CPA6: variants seen among roughly 807,000 people sequenced by gnomAD.
The protein encoded by CPA6 is carboxypeptidase A6, also known as carboxypeptidase B.
Under a neutral mutation model 63.3 loss-of-function variants are expected in CPA6, and 58 were observed. That is an observed-to-expected ratio of 0.92 (90% CI 0.74 to 1.14). The LOEUF (loss-of-function observed/expected upper bound fraction) is 1.14, where lower values mean the gene tolerates loss of function less well. Ranked by LOEUF, CPA6 falls within the 50% of genes most tolerant of loss-of-function variation. The pLI, the probability that CPA6 is intolerant of heterozygous loss-of-function variation, is 0.00. For synonymous variants in CPA6, 185 were observed against 179.0 expected, an observed-to-expected ratio of 1.03 and a Z score of -0.27; for missense variants, 565 against 526.6, an observed-to-expected ratio of 1.07 and a Z score of -0.71.
chr8:67,732,007 G>A (rs1181291801), intron 1 of CPA6, among the ~76,000 whole-genome samples: 1 of 152,078 alleles, frequency 6.6e-6, no homozygotes, highest in South Asian at 2.1e-4. Flanking sequence ...GCTAATAAAA[G>A]TGTTGACCAG....
intron 1 of CPA6, among the ~76,000 whole-genome samples, chr8:67,709,719 T>A (rs1817214319): frequency 6.6e-6 from 1 of 152,132 alleles, no homozygotes; most frequent in East Asian, 1.9e-4. Flanking sequence ...CAAGTAAAAA[T>A]CATAAATCCA....
intron 2 of CPA6, among the ~76,000 whole-genome samples, chr8:67,560,237 A>C (rs1053680699): frequency 1.3e-5 from 2 of 151,090 alleles, no homozygotes; most frequent in Non-Finnish European, 3.0e-5. Context: ...AAATGGAGGA[A>C]TACTCTAATT....
At chr8:67,454,580 G>T (rs1305233113) in intron 8 of CPA6, among the ~76,000 whole-genome samples, 1 of 152,180 alleles carries the variant, frequency 6.6e-6, no homozygotes, top group African/African-American at 2.4e-5. Context: ...AGGAGTATAA[G>T]AATGTAAAAG....
chr8:67,536,574 T>C (rs1251857921), intron 2 of CPA6, among the ~76,000 whole-genome samples: 2 of 152,232 alleles, frequency 1.3e-5, no homozygotes, highest in East Asian at 3.9e-4. Context: ...CGAAGTTGCT[T>C]ATCAGCTTAA....
chr8:67,514,758 G>A (rs1183429719), intron 3 of CPA6, among the ~76,000 whole-genome samples: 1 of 152,154 alleles, frequency 6.6e-6, no homozygotes, highest in East Asian at 1.9e-4. Flanking sequence ...AGTAATTAAT[G>A]AAGCATGTGA....
chr8:67,669,293 C>T (rs137989626), intron 1 of CPA6, among the ~76,000 whole-genome samples: 44 of 152,270 alleles, frequency 2.9e-4, no homozygotes, highest in African/African-American at 5.3e-4. Flanking sequence ...CTTGTTCTTA[C>T]GTGTGGCAAT....
intron 1 of CPA6, among the ~76,000 whole-genome samples, chr8:67,633,605 A>C (rs200244325): frequency 1.0e-4 from 15 of 148,604 alleles, no homozygotes; most frequent in Non-Finnish European, 1.8e-4. Flanking sequence ...GGCGTGAACC[A>C]GGGAGGCGGA....
rs774699643 is a variant in CPA6 at position 67,509,632 on chromosome 8, A to C, written c.433-14T>G. On this transcript the variant is annotated splice_polypyrimidine_tract_variant and intron_variant, in intron 4 of 10. Coordinates refer to ENST00000297770, the MANE Select transcript of CPA6 (RefSeq NM_020361.5). ...CCAATTTTGAATCTAAGAGCAAATA[A>C]ATAAAAACTATGTTAGACTCTCTCA... 1.5e-6 allele frequency: 2 copies of C among 1,348,538 alleles called. No homozygotes were observed. The highest frequency in any genetic ancestry group is 2.1e-6 in the Non-Finnish European group (2 of 950,372). The allele number at this position is 1,348,538 out of a possible 1,614,324, so 83.5% of individuals were successfully genotyped here.
chr8:67,535,348 C>T (rs1191801853), intron 2 of CPA6, among the ~76,000 whole-genome samples: 1 of 152,198 alleles, frequency 6.6e-6, no homozygotes, highest in Non-Finnish European at 1.5e-5. Context: ...TCCCATTTCT[C>T]CACATCCTCT....
At chr8:67,627,610 T>C (rs539041103) in intron 1 of CPA6, among the ~76,000 whole-genome samples, 107 of 152,302 alleles carry the variant, frequency 7.0e-4, no homozygotes, top group African/African-American at 2.5e-3. Flanking sequence ...ACTTAGCCTA[T>C]ATAAAGGTGT....
intron 2 of CPA6, among the ~76,000 whole-genome samples, chr8:67,593,980 T>C (rs1238351429): frequency 6.7e-6 from 1 of 150,168 alleles, no homozygotes; most frequent in Non-Finnish European, 1.5e-5. Flanking sequence ...TCCTAGTCTC[T>C]ATGGTCTTTA....
chr8:67,561,481 G>A (rs559000431), intron 2 of CPA6, among the ~76,000 whole-genome samples: 39 of 152,230 alleles, frequency 2.6e-4, no homozygotes, highest in African/African-American at 8.2e-4. Context: ...TTCTAGTCAC[G>A]AGGAAACGTC....
intron 8 of CPA6, among the ~76,000 whole-genome samples, chr8:67,444,507 A>G (rs1213788173): frequency 6.6e-6 from 1 of 151,742 alleles, no homozygotes; most frequent in East Asian, 2.0e-4. Flanking sequence ...AAATCGGCTG[A>G]GTGCAGTGGC....
intron 8 of CPA6, among the ~76,000 whole-genome samples, chr8:67,480,368 C>G (rs1811332512): frequency 6.6e-6 from 1 of 152,102 alleles, no homozygotes; most frequent in Admixed American, 6.5e-5. Context: ...CTCCTCAGCC[C>G]CTGGCAACCA....
chr8:67,733,951 T>A (rs1817764705), intron 1 of CPA6, among the ~76,000 whole-genome samples: 1 of 148,408 alleles, frequency 6.7e-6, no homozygotes, highest in African/African-American at 2.5e-5. Context: ...CATGGCTCAC[T>A]GCAGCTTCAT....
chr8:67,607,177 CT>C lies in CPA6; in HGVS notation c.192+16998del, dbSNP rs1564021238. The stretch of plus-strand genomic sequence containing the variant: ...TCCTCTTCTTCTTCTTCCTCTTCTT[CT>C]TCTTCTTCTTCTTCTTCTTCTTCTT... On this transcript the variant is annotated intron_variant, in intron 2 of 10. Coordinates refer to ENST00000297770, the MANE Select transcript of CPA6 (RefSeq NM_020361.5). 5.8e-3 allele frequency among the ~76,000 whole-genome samples: 74 copies of C among 12,794 alleles called. 10 individuals are homozygous for C. Among genetic ancestry groups the C allele is most frequent in the African/African-American group, 9.7e-3 (25 of 2,572 alleles). 8.4% of individuals were successfully genotyped at this position (12,794 alleles called of 152,430 possible).
At chr8:67,621,503 G>C (rs1307817795) in intron 2 of CPA6, among the ~76,000 whole-genome samples, 5 of 152,162 alleles carry the variant, frequency 3.3e-5, no homozygotes, top group Admixed American at 2.6e-4. Context: ...CCTCATTTGG[G>C]TCCTAGAGGG....
At chr8:67,604,101 T>C (rs755252671) in intron 2 of CPA6, among the ~76,000 whole-genome samples, 1 of 152,218 alleles carries the variant, frequency 6.6e-6, no homozygotes, top group Non-Finnish European at 1.5e-5. Flanking sequence ...AAAATAGAGC[T>C]ACAACTTATT....
At chr8:67,745,483 G>T (rs546118475) in intron 1 of CPA6, among the ~76,000 whole-genome samples, 6 of 152,150 alleles carry the variant, frequency 3.9e-5, no homozygotes, top group African/African-American at 1.4e-4. Context: ...TAATTTTACA[G>T]TTGACTACTT....
Sources: allele counts gnomAD v4.1 joint callset (sites outside exome capture counted in the v4.1 genomes callset), GRCh38; gene constraint gnomAD v4.1.1; transcripts MANE v1.5; gene names NCBI Gene and HGNC (gene_info 2026-07-23, HGNC 2026-07-21).